The following COL4A3 variants were observed in gnomAD, a reference collection of about 807,000 sequenced individuals.
COL4A3 encodes collagen type IV alpha 3 chain, also known as collagen alpha-3(IV) chain.
COL4A3 carries 135 observed loss-of-function variants against 217.4 expected under a neutral mutation model. The observed-to-expected ratio is 0.62, with a 90% confidence interval of 0.54 to 0.72. The LOEUF is 0.72. Ranked by LOEUF, COL4A3 falls within the 30% of genes least tolerant of loss-of-function variation. COL4A3 has a pLI of 0.00. For synonymous variants in COL4A3, 690 were observed against 736.3 expected, an observed-to-expected ratio of 0.94 and a Z score of 1.02; for missense variants, 1,868 against 2,119.9, an observed-to-expected ratio of 0.88 and a Z score of 2.33.
chr2:227,268,047 C>T (rs1276070817), intron 23 of COL4A3, among the ~76,000 whole-genome samples: 2 of 152,202 alleles, frequency 1.3e-5, no homozygotes, highest in Non-Finnish European at 2.9e-5. Context: ...CCCCTGACTA[C>T]ACAGGGCCTC....
At chr2:227,245,885 A>T in intron 5 of COL4A3, 69 bp from the exon 6 acceptor site, 1 of 1,084,780 alleles carries the variant, frequency 9.2e-7, no homozygotes, top group Non-Finnish European at 1.4e-6. Flanking sequence ...AAATCAGTGC[A>T]TCTTTTCCCT....
chr2:227,201,153 A>C (rs796558783), intron 1 of COL4A3, among the ~76,000 whole-genome samples: 11 of 152,224 alleles, frequency 7.2e-5, no homozygotes, highest in Admixed American at 1.3e-4. Flanking sequence ...TCAGCTCAAG[A>C]AGAAAGAATC....
chr2:227,249,924 A>G (rs962491795), intron 9 of COL4A3, among the ~76,000 whole-genome samples: 9 of 152,222 alleles, frequency 5.9e-5, no homozygotes, highest in African/African-American at 1.9e-4. Flanking sequence ...TAATGATGGT[A>G]CATTTGATTA....
chr2:227,227,363 G>A (rs568108792), intron 1 of COL4A3, among the ~76,000 whole-genome samples: 3 of 152,228 alleles, frequency 2.0e-5, no homozygotes, highest in Non-Finnish European at 2.9e-5. Context: ...TTGGGAGGCC[G>A]AGGTGGGTGG....
At chr2:227,183,010 T>C (rs566483725) in intron 1 of COL4A3, among the ~76,000 whole-genome samples, 1 of 152,336 alleles carries the variant, frequency 6.6e-6, no homozygotes, top group African/African-American at 2.4e-5. Flanking sequence ...TAGAGAAGCT[T>C]CCCCTAAGTC....
At chr2:227,241,682 A>G (rs1020598226) in intron 3 of COL4A3, among the ~76,000 whole-genome samples, 2 of 58,026 alleles carry the variant, frequency 3.4e-5, no homozygotes, top group African/African-American at 8.0e-5. Flanking sequence ...AAAAAAATAT[A>G]TACGTGTGTG....
chr2:227,182,185 A>C (rs1378043317), intron 1 of COL4A3, among the ~76,000 whole-genome samples: 1 of 152,178 alleles, frequency 6.6e-6, no homozygotes, highest in African/African-American at 2.4e-5. Context: ...TAAATATGGA[A>C]TTTACAGTTA....
chr2:227,192,520 C>T (rs570209086), intron 1 of COL4A3, among the ~76,000 whole-genome samples: 1 of 152,252 alleles, frequency 6.6e-6, no homozygotes, highest in Non-Finnish European at 1.5e-5. Context: ...GAACCCCTGT[C>T]CCACCCTTGG....
At chr2:227,231,305 C>T (rs191851126) in intron 1 of COL4A3, among the ~76,000 whole-genome samples, 18 of 152,260 alleles carry the variant, frequency 1.2e-4, no homozygotes, top group African/African-American at 3.4e-4. Flanking sequence ...GAGCTGGAGG[C>T]GTCCCCCTAG....
chr2:227,170,142 T>C (rs2065423266), intron 1 of COL4A3, among the ~76,000 whole-genome samples: 1 of 152,176 alleles, frequency 6.6e-6, no homozygotes, highest in African/African-American at 2.4e-5. Flanking sequence ...ACATGGATGG[T>C]ACACAGAAAT....
Position 227,175,424 on chromosome 2 carries a change from T to A in COL4A3, c.87+10611T>A, listed in dbSNP as rs575724302. 1.4e-4 allele frequency among the ~76,000 whole-genome samples: 22 copies of A among 152,224 alleles called. No individual in the cohort carries two copies. The East Asian group carries it at 3.5e-3, about 24-fold the overall frequency. Reference sequence around the variant, plus strand: ...AGGCAAAAGTTGCAGTGAGCTGAGATCACGCCATTGCATTCTAGCCTAGGT... The same window carrying A: ...AGGCAAAAGTTGCAGTGAGCTGAGAACACGCCATTGCATTCTAGCCTAGGT... On this transcript the variant is annotated intron_variant, in intron 1 of 51. Coordinates refer to ENST00000396578, the MANE Select transcript of COL4A3 (RefSeq NM_000091.5).
chr2:227,266,461 C>T lies in COL4A3; in HGVS notation c.1360C>T (p.Pro454Ser). Reference sequence around the variant, plus strand: ...GGGTCCACCTGGAGATCACGGACTGCCAGGCTATCTAGGGTCTCCAGGAAT... The same window carrying T: ...GGGTCCACCTGGAGATCACGGACTGTCAGGCTATCTAGGGTCTCCAGGAAT... ...RKGPPGDHGL[P>S]GYLGSPGIPG... The change falls in exon 22 of 52, where the codon CCA becomes TCA. Residue 454 changes from proline to serine, a missense_variant. Coordinates refer to ENST00000396578, the MANE Select transcript of COL4A3 (RefSeq NM_000091.5). The T allele has an allele frequency of 1.2e-6, 2 of 1,614,052 alleles. No individual in the cohort carries two copies. Among genetic ancestry groups the T allele is most frequent in the Non-Finnish European group, 1.7e-6 (2 of 1,179,976 alleles).
chr2:227,244,516 G>A (rs977887132), intron 4 of COL4A3, 152 bp downstream of exon 4: 1 of 836,154 alleles, frequency 1.2e-6, no homozygotes, highest in South Asian at 1.5e-5. Context: ...GATGTCAAAG[G>A]AGTGGTTACC....
Position 227,253,475 on chromosome 2 carries a change from G to A in COL4A3, c.688-86G>A. The A allele has an allele frequency of 1.4e-6, 2 of 1,418,006 alleles. No individual in the cohort carries two copies. Among genetic ancestry groups the A allele is most frequent in the Non-Finnish European group, 2.0e-6 (2 of 1,001,198 alleles). The allele number at this position is 1,418,006 out of a possible 1,614,324, so 87.8% of individuals were successfully genotyped here. A position where few individuals can be genotyped will look rare whatever the true frequency, so the allele number is the denominator to read the frequency against. Reference sequence around the variant, plus strand: ...CTATCTTCCCGTATAAGCACTAAAGGGGAAAAGTAGACCTTTCAAACGTAG... The same window carrying A: ...CTATCTTCCCGTATAAGCACTAAAGAGGAAAAGTAGACCTTTCAAACGTAG... On this transcript the variant is annotated intron_variant, in intron 12 of 51. Coordinates refer to ENST00000396578, the MANE Select transcript of COL4A3 (RefSeq NM_000091.5). The surrounding 1 kb of genome is among the most constrained non-coding windows in gnomAD (Gnocchi z 4.4).
chr2:227,172,745 C>T lies in COL4A3; in HGVS notation c.87+7932C>T, dbSNP rs369105044. Reference sequence around the variant, plus strand: ...GGGACTTCAGGCATAGGCCACCACACCCGGCTAATTTTTGTATTTTTAGTA... The same window carrying T: ...GGGACTTCAGGCATAGGCCACCACATCCGGCTAATTTTTGTATTTTTAGTA... On this transcript the variant is annotated intron_variant, in intron 1 of 51. Coordinates refer to ENST00000396578, the MANE Select transcript of COL4A3 (RefSeq NM_000091.5). Among the ~76,000 whole-genome samples the T allele has an allele frequency of 1.7e-4, 26 of 152,054 alleles. No homozygotes were observed. The East Asian group carries it at 4.3e-3, about 25-fold the overall frequency.
chr2:227,264,627 G>C (rs1321783960), intron 21 of COL4A3: 1 of 152,698 alleles, frequency 6.5e-6, no homozygotes, highest in Admixed American at 6.5e-5. Context: ...GGTACAATAG[G>C]TCCTCACAAA....
chr2:227,308,113 C>T (rs939205459), intron 48 of COL4A3, among the ~76,000 whole-genome samples, 194 bp downstream of exon 48: 11 of 152,218 alleles, frequency 7.2e-5, no homozygotes, highest in African/African-American at 2.4e-5. Context: ...AGGAGCCTAG[C>T]TCAGGAATGC....
intron 1 of COL4A3, among the ~76,000 whole-genome samples, chr2:227,180,665 C>T (rs1316271485): frequency 1.3e-5 from 2 of 152,204 alleles, no homozygotes; most frequent in Non-Finnish European, 2.9e-5. Flanking sequence ...AATTCAGTTT[C>T]TGTTTCCTGA....
At chr2:227,228,574 G>C (rs1209536856) in intron 1 of COL4A3, 2 of 152,396 alleles carry the variant, frequency 1.3e-5, no homozygotes, top group African/African-American at 4.8e-5. Flanking sequence ...AGAGAGATTG[G>C]AGAAAGGCAG....
Sources: allele counts gnomAD v4.1 joint callset (sites outside exome capture counted in the v4.1 genomes callset), GRCh38; gene constraint gnomAD v4.1.1; non-coding constraint Gnocchi (gnomAD v3.1); transcripts MANE v1.5; gene names NCBI Gene and HGNC (gene_info 2026-07-23, HGNC 2026-07-21).